Variants in HELZ observed in about 807,000 individuals in gnomAD.
HELZ encodes the protein ATP-dependent RNA helicase with zinc finger domain.
In HELZ, 23 loss-of-function variants were observed where a neutral mutation model predicts 218.2. The ratio of observed to expected loss-of-function variants is 0.11; its 90% CI spans 0.08 to 0.15. The LOEUF (loss-of-function observed/expected upper bound fraction) is 0.15. Among genes scored for constraint, HELZ ranks in the 10% least tolerant of loss-of-function variants. The pLI is 1.00. For synonymous variants in HELZ, 814 were observed against 829.4 expected (o/e 0.98, Z 0.32); for missense variants, 1,813 against 2,353.7 (o/e 0.77, Z 4.75).
intron 12 of HELZ, among the ~76,000 whole-genome samples, chr17:67,183,206 G>A (rs762023871): frequency 1.3e-5 from 2 of 152,102 alleles, no homozygotes; most frequent in Non-Finnish European, 2.9e-5. Flanking sequence ...TACTGCTTCA[G>A]TGATCCATTT....
chr17:67,181,054 A>T (rs1400499951), intron 12 of HELZ, among the ~76,000 whole-genome samples: 1 of 152,002 alleles, frequency 6.6e-6, no homozygotes, highest in Non-Finnish European at 1.5e-5. Flanking sequence ...TCTGTCTCAA[A>T]AAATAAATAA....
intron 13 of HELZ, among the ~76,000 whole-genome samples, chr17:67,176,090 T>C (rs548368551): frequency 4.7e-4 from 71 of 152,268 alleles, no homozygotes; most frequent in African/African-American, 1.6e-3. Flanking sequence ...TTTTTAATTA[T>C]AGGAGGAATA....
intron 26 of HELZ, among the ~76,000 whole-genome samples, chr17:67,120,872 G>C (rs16960586): frequency 0.2 from 29,856 of 152,096 alleles, 3,045 homozygotes; most frequent in African/African-American, 0.26. Flanking sequence ...GAAACTGAGG[G>C]CTTAAAATTG....
chr17:67,244,728 G>A, intron 1 of HELZ: 1 of 984,874 alleles, frequency 1.0e-6, no homozygotes, highest in Non-Finnish European at 1.2e-6. Context: ...GGGGGGCATC[G>A]AGCGGGGCGT....
chr17:67,201,834 T>C (rs961122759), intron 6 of HELZ, among the ~76,000 whole-genome samples: 2 of 152,208 alleles, frequency 1.3e-5, no homozygotes, highest in Non-Finnish European at 2.9e-5. Flanking sequence ...TAAATAGCTA[T>C]ATAATTTTTC....
At chr17:67,245,454 CG>C, upstream of HELZ, 4 of 985,068 alleles carry the variant, frequency 4.1e-6, no homozygotes, top group Non-Finnish European at 4.8e-6. Flanking sequence ...CCCCCACGCC[CG>C]GTCCTCTCGC....
intron 32 of HELZ, among the ~76,000 whole-genome samples, chr17:67,079,402 A>G (rs1163500841): frequency 6.6e-6 from 1 of 152,198 alleles, no homozygotes; most frequent in African/African-American, 2.4e-5. Flanking sequence ...AGTATTTCAT[A>G]ACTTACTTAT....
intron 9 of HELZ, among the ~76,000 whole-genome samples, chr17:67,193,573 C>T (rs1322525561): frequency 6.6e-6 from 1 of 151,292 alleles, no homozygotes; most frequent in Non-Finnish European, 1.5e-5. Context: ...AAAAATTAGC[C>T]AGTGTGGTGG....
rs1360799754 is a variant in HELZ at position 67,107,797 on chromosome 17, T to A, written c.4725-112A>T. The A allele has an allele frequency of 7.8e-6, 7 of 893,562 alleles. No individual in the cohort carries two copies. In the African/African-American group the frequency reaches 1.0e-4, roughly 13 times the overall value. The allele number at this position is 893,562 out of a possible 1,614,324, so 55.4% of individuals were successfully genotyped here. ...CAAACAAAATCATAGTACTAATAACTAGAACTGGCATTAATTCATCTCAGA... is the reference window on the plus strand; with the variant it reads ...CAAACAAAATCATAGTACTAATAACAAGAACTGGCATTAATTCATCTCAGA... On this transcript the variant is annotated intron_variant, in intron 30 of 32. Transcript: ENST00000358691.
intron 23 of HELZ, among the ~76,000 whole-genome samples, chr17:67,131,552 G>C (rs1420334214): frequency 6.6e-6 from 1 of 151,476 alleles, no homozygotes; most frequent in Non-Finnish European, 1.5e-5. Flanking sequence ...TGTTAAATCT[G>C]ACCTTTTTTT....
intron 15 of HELZ, among the ~76,000 whole-genome samples, chr17:67,162,014 C>T (rs2039006674): frequency 6.6e-6 from 1 of 152,170 alleles, no homozygotes; most frequent in South Asian, 2.1e-4. Flanking sequence ...AAATAACCCT[C>T]AAATAGAGGA....
chr17:67,071,056 G>C lies in HELZ; in HGVS notation c.*7196C>G. 1 of 152,244 alleles carries C rather than the reference G, an allele frequency of 6.6e-6. No individual in the cohort carries two copies. The highest frequency in any genetic ancestry group is 1.9e-4 in the East Asian group (1 of 5,186). The allele number at this position is 152,244 out of a possible 1,614,324, so 9.4% of individuals were successfully genotyped here. A position where few individuals can be genotyped will look rare whatever the true frequency, so the allele number is the denominator to read the frequency against. On this transcript the variant is annotated 3_prime_UTR_variant, in exon 33 of 33. Transcript: ENST00000358691. ...CAAAACTCATTATCTTTATAATTTAGAAGAGAAGTATTTTAATCACCATAT... is the reference window on the plus strand; with the variant it reads ...CAAAACTCATTATCTTTATAATTTACAAGAGAAGTATTTTAATCACCATAT...
rs777422973 is a variant in HELZ, at chr17:67,086,990, T to C, written c.5333A>G (p.Gln1778Arg). 4 of 1,613,938 alleles carry C rather than the reference T, an allele frequency of 2.5e-6. No homozygotes were observed. In the East Asian group the frequency reaches 6.7e-5, roughly 27 times the overall value. ...QPCSEEVSTP[Q>R]DSLAQCKELQ... ...CTCTTTACACTGAGCCAGACTGTCT[T>C]GAGGAGTGCTTACTTCTTCAGAACA... Residue 1778 changes from glutamine (Q) to arginine (R), a missense_variant, in exon 32 of 33, where the codon CAA becomes CGA. By Grantham distance (43) the Gln-to-Arg change is conservative. Coordinates refer to ENST00000358691, the MANE Select transcript of HELZ (RefSeq NM_014877.4).
At chr17:67,212,830 C>T (rs955350315) in intron 5 of HELZ, among the ~76,000 whole-genome samples, 2 of 152,254 alleles carry the variant, frequency 1.3e-5, no homozygotes, top group Admixed American at 6.5e-5. Flanking sequence ...TTTTGGATTA[C>T]TGACTTAGGA....
intron 20 of HELZ, among the ~76,000 whole-genome samples, chr17:67,147,315 T>C (rs1055607616): frequency 1.3e-5 from 2 of 152,160 alleles, no homozygotes; most frequent in South Asian, 4.1e-4. Flanking sequence ...TAGATAGATA[T>C]ATATTCATCC....
chr17:67,161,202 A>C lies in HELZ; in HGVS notation c.1896-126T>G, dbSNP rs576586652. 13 of 647,104 alleles carry C rather than the reference A, an allele frequency of 2.0e-5. No individual in the cohort carries two copies. The East Asian group carries it at 3.9e-4, about 19-fold the overall frequency. The allele number at this position is 647,104 out of a possible 1,614,324, so 40.1% of individuals were successfully genotyped here. A position where few individuals can be genotyped will look rare whatever the true frequency, so the allele number is the denominator to read the frequency against. On this transcript the variant is annotated intron_variant, in intron 15 of 32. Coordinates refer to ENST00000358691, the MANE Select transcript of HELZ (RefSeq NM_014877.4). ...AAATAGCATAGCATCTATAAAAACA[A>C]ATGCTTATTCTAAAGCTACTTTTTA...
chr17:67,153,402 T>C (rs1051639397), intron 17 of HELZ, among the ~76,000 whole-genome samples: 1 of 152,198 alleles, frequency 6.6e-6, no homozygotes, highest in African/African-American at 2.4e-5. Flanking sequence ...GTGGGCATTC[T>C]CTTCTGATGG....
chr17:67,241,539 G>A (rs1047554623), intron 2 of HELZ, among the ~76,000 whole-genome samples: 2 of 152,100 alleles, frequency 1.3e-5, no homozygotes, highest in Admixed American at 6.5e-5. Context: ...TTAATTACAC[G>A]AGGCCCTTTG....
chr17:67,136,841 A>C, intron 22 of HELZ, among the ~76,000 whole-genome samples: 1 of 152,204 alleles, frequency 6.6e-6, no homozygotes, highest in East Asian at 1.9e-4. Flanking sequence ...GGAAAGATCA[A>C]AAAAGTTCTG....
Sources: allele counts gnomAD v4.1 joint callset (sites outside exome capture counted in the v4.1 genomes callset), GRCh38; gene constraint gnomAD v4.1.1; transcripts MANE v1.5; gene names NCBI Gene and HGNC (gene_info 2026-07-23, HGNC 2026-07-21).